The following NCMAP variants were observed in gnomAD, a reference collection of about 807,000 sequenced individuals.
NCMAP encodes the protein non-compact myelin associated protein, also known as noncompact myelin-associated protein.
NCMAP carries 8 observed loss-of-function variants against 7.8 expected under a neutral mutation model. The ratio of observed to expected loss-of-function variants is 1.02; its 90% CI spans 0.60 to 1.84. The LOEUF is 1.84. NCMAP is among the 40% of genes most tolerant of loss of function. The pLI is 0.00. For synonymous variants in NCMAP, 41 were observed against 52.9 expected, an observed-to-expected ratio of 0.78 and a Z score of 0.98; for missense variants, 112 against 131.4, an observed-to-expected ratio of 0.85 and a Z score of 0.72.
At chr1:24,568,779 T>TCGGG (rs760530842) in intron 1 of NCMAP, among the ~76,000 whole-genome samples, 172 of 152,244 alleles carry the variant, frequency 1.1e-3, no homozygotes, top group Non-Finnish European at 2.1e-3. Context: ...AATCCCATAA[T>TCGGG]AGGGATCCTT....
At chr1:24,599,641 G>A (rs189291654) in intron 2 of NCMAP, among the ~76,000 whole-genome samples, 296 of 151,744 alleles carry the variant, frequency 2.0e-3, no homozygotes, top group Middle Eastern at 3.5e-3. Flanking sequence ...GCAGTGGCAC[G>A]ATCTCGGCTC....
In NCMAP at chr1:24,605,769, C is replaced by T. The variant is rs1652704989; in HGVS notation, c.*22C>T. 6.2e-7 allele frequency: 1 copy of T among 1,612,518 alleles called. No homozygotes were observed. ...ATGACCTCTACCCTGGCGCTATCTC[C>T]ACCACTGTCCAAAGAGCCTCTCCAG... On this transcript the variant is annotated 3_prime_UTR_variant, in exon 4 of 4. Coordinates refer to ENST00000374392, the MANE Select transcript of NCMAP (RefSeq NM_001010980.5).
chr1:24,563,708 A>C (rs924194577), intron 1 of NCMAP: 3 of 152,444 alleles, frequency 2.0e-5, no homozygotes, highest in African/African-American at 7.2e-5. Flanking sequence ...TGTTCGGTCC[A>C]TGCCCATCTG....
intron 1 of NCMAP, among the ~76,000 whole-genome samples, chr1:24,582,810 G>T (rs6671899): frequency 0.19 from 26,991 of 145,496 alleles, 2,576 homozygotes; most frequent in Non-Finnish European, 0.21. Context: ...AATAGGAAAC[G>T]TATAGATCCT....
chr1:24,599,835 C>G (rs941419893), intron 2 of NCMAP, among the ~76,000 whole-genome samples: 10 of 79,020 alleles, frequency 1.3e-4, no homozygotes, highest in African/African-American at 3.7e-4. Flanking sequence ...CCCCCCCCCC[C>G]CCCCTTGGCC....
chr1:24,596,462 T>G (rs558083949), intron 2 of NCMAP, among the ~76,000 whole-genome samples: 11 of 152,054 alleles, frequency 7.2e-5, no homozygotes, highest in African/African-American at 2.4e-4. Context: ...GCAGGCAGAT[T>G]GCTTGAGCTT....
Position 24,600,879 on chromosome 1 carries a change from C to T in NCMAP, c.83-61C>T, listed in dbSNP as rs146873574. 482 of 1,455,378 alleles carry T rather than the reference C, an allele frequency of 3.3e-4. 2 individuals are homozygous for T. In the African/African-American group the frequency reaches 6.0e-3, roughly 18 times the overall value. The allele number at this position is 1,455,378 out of a possible 1,614,324, so 90.2% of individuals were successfully genotyped here. A position where few individuals can be genotyped will look rare whatever the true frequency, so the allele number is the denominator to read the frequency against. On this transcript the variant is annotated intron_variant, in intron 2 of 3. Transcript: ENST00000374392. Reference sequence around the variant, plus strand: ...GAGGATGTCAGGTGCCACAGCAGGGCGCCCTCCTGGTCTGCGTTCAGTTTG... The same window carrying T: ...GAGGATGTCAGGTGCCACAGCAGGGTGCCCTCCTGGTCTGCGTTCAGTTTG...
intron 1 of NCMAP, among the ~76,000 whole-genome samples, chr1:24,577,045 G>A (rs1651583164): frequency 6.6e-6 from 1 of 152,108 alleles, no homozygotes; most frequent in African/African-American, 2.4e-5. Context: ...GGCTGAGGAA[G>A]AAGCATCACA....
chr1:24,603,367 A>G (rs1652574907), intron 3 of NCMAP, among the ~76,000 whole-genome samples: 1 of 150,252 alleles, frequency 6.7e-6, no homozygotes, highest in African/African-American at 2.5e-5. Flanking sequence ...TTAAAAAATT[A>G]TTTAAAAAAA....
chr1:24,572,212 G>C (rs1651411542), intron 1 of NCMAP, among the ~76,000 whole-genome samples: 1 of 150,716 alleles, frequency 6.6e-6, no homozygotes, highest in Admixed American at 6.6e-5. Flanking sequence ...TAAGGGGAGA[G>C]GGCTTTTCTA....
intron 1 of NCMAP, among the ~76,000 whole-genome samples, chr1:24,567,415 T>C (rs1305429311): frequency 6.6e-6 from 1 of 152,012 alleles, no homozygotes; most frequent in Non-Finnish European, 1.5e-5. Context: ...TTTGGGCAGG[T>C]CTTGGAGAAA....
At chr1:24,600,838 C>T (rs1240632087) in intron 2 of NCMAP, 102 bp from the exon 3 acceptor site, 2 of 956,460 alleles carry the variant, frequency 2.1e-6, no homozygotes, top group Non-Finnish European at 3.4e-6. Context: ...TTCTCTCCTG[C>T]CTCCCTTGAC....
At chr1:24,573,704 G>A (rs995711819) in intron 1 of NCMAP, among the ~76,000 whole-genome samples, 5 of 150,526 alleles carry the variant, frequency 3.3e-5, no homozygotes, top group Admixed American at 6.6e-5. Flanking sequence ...TTGGAAGGCC[G>A]AAGCAGGAGG....
intron 3 of NCMAP, among the ~76,000 whole-genome samples, chr1:24,604,573 TAAAAAAAAAAAAA>T (rs1159689184): frequency 2.4e-3 from 26 of 11,048 alleles, no homozygotes; most frequent in East Asian, 0.011. Flanking sequence ...TAAGACTGTC[TAAAAAAAAAAAAA>T]AAAAAAAAAA....
intron 1 of NCMAP, among the ~76,000 whole-genome samples, chr1:24,568,618 C>G (rs1006535579): frequency 1.3e-5 from 2 of 152,086 alleles, no homozygotes; most frequent in African/African-American, 2.4e-5. Context: ...TGAAGAGGGT[C>G]CTGTTATTAC....
At position 24,595,473 on chromosome 1, in the gene NCMAP, CTGAACA is replaced by C. The variant is rs777731545; in HGVS notation, c.47_52del (p.Asn16_Met17del). On this transcript the variant is annotated inframe_deletion, in exon 2 of 4. Coordinates refer to ENST00000374392, the MANE Select transcript of NCMAP (RefSeq NM_001010980.5). ...TCTGGGGGATACCACCTTCTTCTCA[CTGAACA>C]TGACCACCAGGGGAGAAGACTTCCT... 4.8e-5 allele frequency: 77 copies of C among 1,613,990 alleles called. 1 individual carries two copies. Among genetic ancestry groups the C allele is most frequent in the Non-Finnish European group, 6.0e-5 (71 of 1,179,934 alleles).
intron 1 of NCMAP, among the ~76,000 whole-genome samples, chr1:24,582,308 G>A (rs1651769648): frequency 6.6e-6 from 1 of 152,152 alleles, no homozygotes; most frequent in Non-Finnish European, 1.5e-5. Flanking sequence ...TCCTATGTAG[G>A]AAGCTGAATA....
chr1:24,580,631 A>C (rs1651716997), intron 1 of NCMAP, among the ~76,000 whole-genome samples: 1 of 152,120 alleles, frequency 6.6e-6, no homozygotes. Flanking sequence ...TTGTATTTTT[A>C]GTAGAGACAG....
intron 1 of NCMAP, among the ~76,000 whole-genome samples, chr1:24,583,757 T>G (rs911899741): frequency 1.7e-4 from 24 of 144,996 alleles, no homozygotes; most frequent in Non-Finnish European, 3.6e-4. Context: ...GTGAGCAGAA[T>G]CCTTCCCTAG....
Sources: allele counts gnomAD v4.1 joint callset (sites outside exome capture counted in the v4.1 genomes callset), GRCh38; gene constraint gnomAD v4.1.1; transcripts MANE v1.5; gene names NCBI Gene and HGNC (gene_info 2026-07-23, HGNC 2026-07-21).